The following GABRG3 variants were observed in gnomAD, a reference collection of about 807,000 sequenced individuals.
GABRG3 encodes the protein gamma-aminobutyric acid receptor subunit gamma-3.
GABRG3 carries 25 observed loss-of-function variants against 48.8 expected under a neutral mutation model. That is an observed-to-expected ratio of 0.51 (90% CI 0.37 to 0.72). The LOEUF is 0.72. Among genes scored for constraint, GABRG3 ranks in the 30% least tolerant of loss-of-function variants. GABRG3 has a pLI of 0.00. For missense variants in GABRG3, 394 were observed against 577.9 expected (o/e 0.68, Z 3.26); for synonymous variants, 227 against 217.6 (o/e 1.04, Z -0.38).
intron 3 of GABRG3, among the ~76,000 whole-genome samples, chr15:27,247,603 A>G (rs1345942452): frequency 6.6e-6 from 1 of 152,210 alleles, no homozygotes; most frequent in Non-Finnish European, 1.5e-5. Context: ...TCACTGCTGT[A>G]ACATGGTGTA....
chr15:27,050,316 C>T (rs191577471), intron 3 of GABRG3, among the ~76,000 whole-genome samples: 376 of 152,260 alleles, frequency 2.5e-3, no homozygotes, highest in Non-Finnish European at 4.0e-3. Flanking sequence ...AAACTCTGTC[C>T]CTGGGGCCCC....
chr15:27,039,679 GT>G (rs1566917083), intron 3 of GABRG3, among the ~76,000 whole-genome samples: 1 of 152,190 alleles, frequency 6.6e-6, no homozygotes. Context: ...AGTGCATGCA[GT>G]TGTCAGGAAA....
chr15:27,183,440 G>A (rs998674694), intron 3 of GABRG3, among the ~76,000 whole-genome samples: 3 of 152,162 alleles, frequency 2.0e-5, no homozygotes, highest in African/African-American at 7.2e-5. Context: ...TTGAAAGCCA[G>A]GCAGCGTGGA....
chr15:27,172,413 C>A (rs986031381), intron 3 of GABRG3, among the ~76,000 whole-genome samples: 1 of 152,044 alleles, frequency 6.6e-6, no homozygotes, highest in African/African-American at 2.4e-5. Flanking sequence ...TCTACGCTGA[C>A]CCCACCCCCA....
intron 3 of GABRG3, among the ~76,000 whole-genome samples, chr15:27,177,056 G>A (rs542085589): frequency 1.3e-5 from 2 of 152,294 alleles, no homozygotes; most frequent in African/African-American, 4.8e-5. Context: ...TTCTCCCCGA[G>A]AACTCAGAGG....
At chr15:27,479,402 A>G (rs1170924785) in intron 5 of GABRG3, among the ~76,000 whole-genome samples, 1 of 152,306 alleles carries the variant, frequency 6.6e-6, no homozygotes, top group Middle Eastern at 3.4e-3. Flanking sequence ...TGTGTTGACA[A>G]TAATTTCACC....
chr15:27,285,778 C>A (rs1891589543), intron 3 of GABRG3, among the ~76,000 whole-genome samples: 1 of 152,050 alleles, frequency 6.6e-6, no homozygotes, highest in Admixed American at 6.6e-5. Context: ...GAAATGGATC[C>A]CATTGTCTCT....
At chr15:27,228,463 C>T (rs924089831) in intron 3 of GABRG3, among the ~76,000 whole-genome samples, 2 of 152,160 alleles carry the variant, frequency 1.3e-5, no homozygotes, top group Admixed American at 6.5e-5. Context: ...TCCAGTCTAC[C>T]GTTGATGGGC....
At chr15:27,216,521 TC>T (rs1889251864) in intron 3 of GABRG3, among the ~76,000 whole-genome samples, 1 of 152,152 alleles carries the variant, frequency 6.6e-6, no homozygotes, top group Non-Finnish European at 1.5e-5. Context: ...CCAAGGCACA[TC>T]CTCAGCTTAT....
intron 5 of GABRG3, among the ~76,000 whole-genome samples, chr15:27,402,840 A>C (rs1200246219): frequency 6.6e-6 from 1 of 152,236 alleles, no homozygotes; most frequent in South Asian, 2.1e-4. Context: ...AAACTGATTC[A>C]CAAGGACAAC....
intron 5 of GABRG3, among the ~76,000 whole-genome samples, chr15:27,455,506 C>T (rs111207224): frequency 0.072 from 10,704 of 149,042 alleles, 683 homozygotes; most frequent in East Asian, 0.29. Flanking sequence ...TGTGTGTGTG[C>T]ATTTGTGTAT....
At chr15:27,451,722 G>T (rs1889118194) in intron 5 of GABRG3, among the ~76,000 whole-genome samples, 1 of 152,072 alleles carries the variant, frequency 6.6e-6, no homozygotes, top group South Asian at 2.1e-4. Context: ...GCACAGCAAA[G>T]GAAACAATCA....
chr15:27,220,478 C>G lies in GABRG3; in HGVS notation c.271-106331C>G, dbSNP rs570505969. 3.3e-5 allele frequency among the ~76,000 whole-genome samples: 5 copies of G among 152,180 alleles called. No homozygotes were observed. In the South Asian group the frequency reaches 1.0e-3, roughly 32 times the overall value. On this transcript the variant is annotated intron_variant, in intron 3 of 9. Transcript: ENST00000615808. ...ATTAGCAAGAGTGATGGCCTGTAGACGTGACCTTCTTTAGGCTCCTCAGGA... is the reference window on the plus strand; with the variant it reads ...ATTAGCAAGAGTGATGGCCTGTAGAGGTGACCTTCTTTAGGCTCCTCAGGA...
chr15:27,136,953 C>T (rs1898019216), intron 3 of GABRG3, among the ~76,000 whole-genome samples: 1 of 152,152 alleles, frequency 6.6e-6, no homozygotes, highest in African/African-American at 2.4e-5. Flanking sequence ...CTTGCCTCTT[C>T]TCCAAGAGAA....
At chr15:27,210,353 TC>T (rs1222637083) in intron 3 of GABRG3, among the ~76,000 whole-genome samples, 17 of 152,362 alleles carry the variant, frequency 1.1e-4, no homozygotes, top group Non-Finnish European at 2.2e-4. Context: ...GAACACGTTT[TC>T]CTGCATGTGG....
intron 2 of GABRG3, among the ~76,000 whole-genome samples, chr15:26,993,602 C>T (rs192136911): frequency 2.6e-3 from 399 of 152,100 alleles, no homozygotes; most frequent in Middle Eastern, 0.01. Context: ...TGTTTTAAGA[C>T]ATGTTTTGTG....
chr15:27,209,023 T>C (rs1888978167), intron 3 of GABRG3, among the ~76,000 whole-genome samples: 1 of 152,224 alleles, frequency 6.6e-6, no homozygotes, highest in Non-Finnish European at 1.5e-5. Context: ...ACCTTGTTGC[T>C]GATGCTTCCT....
rs1285029630 is a variant in GABRG3 at position 27,253,494 on chromosome 15, C to CCACCTGGGGAAATT, written c.271-73308_271-73295dup. ...AATCTGACTGCCACAGGAGAACTCC[C>CCACCTGGGGAAATT]CACCTGGGGAAATTCACCTGAGGGT... On this transcript the variant is annotated intron_variant, in intron 3 of 9. Coordinates refer to ENST00000615808, the MANE Select transcript of GABRG3 (RefSeq NM_033223.5). Among the ~76,000 whole-genome samples the CCACCTGGGGAAATT allele has an allele frequency of 2.0e-5, 3 of 152,348 alleles. No homozygotes were observed. The East Asian group carries it at 5.8e-4, about 29-fold the overall frequency.
At chr15:27,099,720 A>C (rs1897324158) in intron 3 of GABRG3, among the ~76,000 whole-genome samples, 1 of 152,134 alleles carries the variant, frequency 6.6e-6, no homozygotes, top group Non-Finnish European at 1.5e-5. Context: ...AATAAAAAAA[A>C]AATCCCATAA....
Sources: allele counts gnomAD v4.1 joint callset (sites outside exome capture counted in the v4.1 genomes callset), GRCh38; gene constraint gnomAD v4.1.1; transcripts MANE v1.5; gene names NCBI Gene and HGNC (gene_info 2026-07-23, HGNC 2026-07-21).